The following BRINP3 variants were observed in gnomAD, a reference collection of about 807,000 sequenced individuals.
BRINP3 encodes the protein BMP/retinoic acid inducible neural specific 3, also known as BMP/retinoic acid-inducible neural-specific protein 3.
Under a neutral mutation model 71.0 loss-of-function variants are expected in BRINP3, and 19 were observed. The ratio of observed to expected loss-of-function variants is 0.27; its 90% CI spans 0.19 to 0.39. The LOEUF is 0.39. Among genes scored for constraint, BRINP3 ranks in the 10% least tolerant of loss-of-function variants. BRINP3 has a pLI of 1.00. For missense variants in BRINP3, 959 were observed against 940.8 expected (o/e 1.02, Z -0.25); for synonymous variants, 380 against 337.7 (o/e 1.13, Z -1.37).
In BRINP3 at chr1:190,189,367, A is replaced by C. The variant is rs190325088; in HGVS notation, c.962-28477T>G. Among the ~76,000 whole-genome samples, 223 of 152,204 alleles carry C rather than the reference A, an allele frequency of 1.5e-3. 1 individual carries two copies. Among genetic ancestry groups the C allele is most frequent in the African/African-American group, 5.3e-3 (221 of 41,566 alleles). On this transcript the variant is annotated intron_variant, in intron 6 of 7. Transcript: ENST00000367462. ...TTCTATTTGTTCATTATTCAGTCTT[A>C]GTAGGTCTAATGTATAAATGATTTG...
intron 2 of BRINP3, among the ~76,000 whole-genome samples, chr1:190,298,887 T>C (rs1405513196): frequency 2.6e-5 from 4 of 152,180 alleles, no homozygotes; most frequent in Admixed American, 1.3e-4. Context: ...TTCTAGCAAC[T>C]GACGACAGAG....
intron 7 of BRINP3, among the ~76,000 whole-genome samples, chr1:190,118,991 G>T (rs139795383): frequency 2.1e-3 from 327 of 152,154 alleles, no homozygotes; most frequent in African/African-American, 7.4e-3. Context: ...TGTGGGAAAA[G>T]TTATGTTCCT....
At chr1:190,376,425 T>A (rs564375087) in intron 2 of BRINP3, among the ~76,000 whole-genome samples, 1 of 152,074 alleles carries the variant, frequency 6.6e-6, no homozygotes, top group Non-Finnish European at 1.5e-5. Context: ...CTATCATCTG[T>A]CTGCCTACTT....
intron 6 of BRINP3, among the ~76,000 whole-genome samples, chr1:190,180,158 G>A (rs556569035): frequency 2.0e-5 from 3 of 152,046 alleles, no homozygotes; most frequent in South Asian, 2.1e-4. Flanking sequence ...GAAAGAGCAC[G>A]TGCCTGCTGC....
chr1:190,300,029 T>C (rs1218126862), intron 2 of BRINP3, among the ~76,000 whole-genome samples: 5 of 152,078 alleles, frequency 3.3e-5, no homozygotes. Flanking sequence ...TTATGTGTCT[T>C]GTTGTTGCCC....
intron 2 of BRINP3, among the ~76,000 whole-genome samples, chr1:190,306,911 CA>C (rs908359342): frequency 6.6e-6 from 1 of 151,888 alleles, no homozygotes; most frequent in African/African-American, 2.4e-5. Context: ...TCAATATTTA[CA>C]ATTGTTCAAA....
At chr1:190,231,026 T>C (rs942556294) in intron 5 of BRINP3, among the ~76,000 whole-genome samples, 5 of 151,652 alleles carry the variant, frequency 3.3e-5, no homozygotes, top group Non-Finnish European at 7.4e-5. Flanking sequence ...TTCTTGATAC[T>C]AAAAATTTTA....
At chr1:190,422,301 C>A (rs1231166574) in intron 2 of BRINP3, among the ~76,000 whole-genome samples, 1 of 151,778 alleles carries the variant, frequency 6.6e-6, no homozygotes, top group African/African-American at 2.4e-5. Context: ...GTCGATTAGT[C>A]ATTTTCAGCA....
chr1:190,317,407 G>A (rs190186880), intron 2 of BRINP3, among the ~76,000 whole-genome samples: 19 of 152,118 alleles, frequency 1.2e-4, no homozygotes, highest in Non-Finnish European at 2.2e-4. Context: ...AGGCCATTAT[G>A]GAGAAAGTTC....
In BRINP3 at chr1:190,313,497, T is replaced by C. The variant is rs117587436; in HGVS notation, c.237-31747A>G. 2.8e-4 allele frequency among the ~76,000 whole-genome samples: 43 copies of C among 152,172 alleles called. No individual in the cohort carries two copies. The East Asian group carries it at 5.0e-3, about 18-fold the overall frequency. The stretch of plus-strand genomic sequence containing the variant: ...AAGCCTCCCTAAGTATAGAGTACTA[T>C]TAAAGCAAAATTCTGCAACCTATGT... On this transcript the variant is annotated intron_variant, in intron 2 of 7. Transcript: ENST00000367462.
intron 2 of BRINP3, among the ~76,000 whole-genome samples, chr1:190,431,301 T>A (rs1046250893): frequency 6.6e-6 from 1 of 152,158 alleles, no homozygotes; most frequent in Non-Finnish European, 1.5e-5. Context: ...AAAGAAAATA[T>A]CCAGAAATTT....
chr1:190,250,637 G>A (rs570388359), intron 4 of BRINP3, among the ~76,000 whole-genome samples: 1 of 152,044 alleles, frequency 6.6e-6, no homozygotes, highest in African/African-American at 2.4e-5. Flanking sequence ...TAGGAAATAA[G>A]AGACTCTCCA....
chr1:190,312,036 AATATATATATATATATATATAT>A (rs1180367434), intron 2 of BRINP3, among the ~76,000 whole-genome samples: 11 of 68,306 alleles, frequency 1.6e-4, no homozygotes, highest in South Asian at 1.4e-3. Flanking sequence ...TGAAAAGTCA[AATATATATATATATATATATAT>A]ATATATATAT....
chr1:190,314,192 T>C (rs189322261), intron 2 of BRINP3, among the ~76,000 whole-genome samples: 1 of 152,090 alleles, frequency 6.6e-6, no homozygotes, highest in East Asian at 1.9e-4. Context: ...TGTAATTTTT[T>C]AATGGAGAAT....
intron 6 of BRINP3, among the ~76,000 whole-genome samples, chr1:190,213,388 A>C (rs1427543307): frequency 6.6e-6 from 1 of 152,072 alleles, no homozygotes; most frequent in Non-Finnish European, 1.5e-5. Context: ...ATAATATTTC[A>C]AGGTGTGCTT....
At chr1:190,355,767 G>A (rs983124375) in intron 2 of BRINP3, among the ~76,000 whole-genome samples, 2 of 151,818 alleles carry the variant, frequency 1.3e-5, no homozygotes, top group African/African-American at 4.8e-5. Flanking sequence ...CCAGAACAGG[G>A]AACTATTTAT....
In BRINP3 at chr1:190,394,281, T is replaced by G. The variant is rs550748522; in HGVS notation, c.236+60374A>C. Among the ~76,000 whole-genome samples, 6 of 151,708 alleles carry G rather than the reference T, an allele frequency of 4.0e-5. No homozygotes were observed. The South Asian group carries it at 1.2e-3, about 31-fold the overall frequency. On this transcript the variant is annotated intron_variant, in intron 2 of 7. Coordinates refer to ENST00000367462, the MANE Select transcript of BRINP3 (RefSeq NM_199051.3). ...ATTTAGTCTCCCTTACTATGGAGTA[T>G]TTAATGAGTCCTTAGAACAAAATAT...
rs55768635 is a variant in BRINP3, at chr1:190,408,203, ATTTT to A, written c.236+46448_236+46451del. ...CGCCTGGCTAATTATTTATTTATTTATTTTTTTTTTTTTTGTATTTTTAGTAGAG... is the reference window on the plus strand; with the variant it reads ...CGCCTGGCTAATTATTTATTTATTTATTTTTTTTTTGTATTTTTAGTAGAG... On this transcript the variant is annotated intron_variant, in intron 2 of 7. Coordinates refer to ENST00000367462, the MANE Select transcript of BRINP3 (RefSeq NM_199051.3). 5.5e-3 allele frequency among the ~76,000 whole-genome samples: 772 copies of A among 141,412 alleles called. 14 individuals are homozygous for A. The highest frequency in any genetic ancestry group is 0.045 in the East Asian group (220 of 4,850). The allele number at this position is 141,412 out of a possible 152,430, so 92.8% of individuals were successfully genotyped here.
chr1:190,258,860 T>C (rs1281696161), intron 4 of BRINP3, among the ~76,000 whole-genome samples: 5 of 152,186 alleles, frequency 3.3e-5, no homozygotes, highest in Non-Finnish European at 7.3e-5. Context: ...GAACAAGGGC[T>C]AGGCATAGTG....
Sources: gnomAD v4.1 joint callset for allele counts (sites outside exome capture counted in the v4.1 genomes callset) on GRCh38, gnomAD v4.1.1 for gene constraint, MANE v1.5 for transcripts, NCBI Gene and HGNC (gene_info 2026-07-23, HGNC 2026-07-21) for gene names.